MYH15: variants seen among roughly 807,000 people sequenced by gnomAD.
The protein encoded by MYH15 is myosin heavy chain 15, also known as myosin-15.
A neutral mutation model predicts 240.5 loss-of-function variants in MYH15; 227 were observed. The observed-to-expected ratio is 0.94, with a 90% CI of 0.85 to 1.05. The LOEUF (loss-of-function observed/expected upper bound fraction) is 1.05, where lower values mean the gene tolerates loss of function less well. Among genes scored for constraint, MYH15 ranks in the 50% least tolerant of loss-of-function variants. MYH15 has a pLI of 0.00. For missense variants in MYH15, 2,217 were observed against 2,247.5 expected (o/e 0.99, Z 0.27); for synonymous variants, 785 against 796.7 (o/e 0.99, Z 0.25).
chr3:108,508,051 C>A (rs1041689023), intron 1 of MYH15, among the ~76,000 whole-genome samples: 1 of 152,122 alleles, frequency 6.6e-6, no homozygotes, highest in Non-Finnish European at 1.5e-5. Flanking sequence ...AAGAGAGTTG[C>A]CCATAGTCAC....
In MYH15 at chr3:108,444,891, C is replaced by T. The variant is rs1263020564; in HGVS notation, c.2404G>A (p.Ala802Thr). ...KFQKILEERDALILIQWNIRA... is the reference protein window; with the variant it reads ...KFQKILEERDTLILIQWNIRA... ...ATGTTCCATTGGATCAAAATAAGTG[C>T]ATCCCTAAATCAAGAAAGAAAAAAG... Residue 802 changes from alanine to threonine, a missense_variant, in exon 22 of 41, where the codon GCA (alanine) becomes ACA (threonine). Coordinates refer to ENST00000693548, the MANE Select transcript of MYH15 (RefSeq NM_014981.3). The T allele has an allele frequency of 2.5e-6, 4 of 1,604,412 alleles. No homozygotes were observed. The highest frequency in any genetic ancestry group is 1.1e-5 in the South Asian group (1 of 88,814).
Position 108,431,630 on chromosome 3 carries a change from C to T in MYH15, c.3222-708G>A, listed in dbSNP as rs2082780075. ...TTTTTATCAGCAGTGTGAAAACGGA[C>T]TAATATAGAAATTGGTACCAGTAGA... On this transcript the variant is annotated intron_variant, in intron 25 of 40. Coordinates refer to ENST00000693548, the MANE Select transcript of MYH15 (RefSeq NM_014981.3). 2.0e-5 allele frequency among the ~76,000 whole-genome samples: 3 copies of T among 152,002 alleles called. No individual in the cohort carries two copies. In the South Asian group the frequency reaches 6.2e-4, roughly 32 times the overall value.
chr3:108,432,192 G>A (rs1390115224), intron 25 of MYH15, among the ~76,000 whole-genome samples: 2 of 152,184 alleles, frequency 1.3e-5, no homozygotes, highest in Non-Finnish European at 2.9e-5. Context: ...CTGAGTAGCT[G>A]AGACTACAGG....
At chr3:108,472,504 A>G (rs1056758895) in intron 12 of MYH15, among the ~76,000 whole-genome samples, 1 of 152,202 alleles carries the variant, frequency 6.6e-6, no homozygotes, top group African/African-American at 2.4e-5. Context: ...GTTTTTTATT[A>G]TCAGCATCAA....
chr3:108,549,232 A>G, the MYH15 span, among the ~76,000 whole-genome samples: 7 of 148,120 alleles, frequency 4.7e-5, no homozygotes, highest in South Asian at 1.3e-3. Flanking sequence ...ATTTGATTAA[A>G]TTTTTTTTTT....
chr3:108,429,254 A>G (rs918198807), intron 26 of MYH15, among the ~76,000 whole-genome samples: 19 of 152,228 alleles, frequency 1.2e-4, no homozygotes, highest in Admixed American at 9.8e-4. Flanking sequence ...TCCTCATTTG[A>G]AATTCGTTTA....
chr3:108,471,072 G>GAAGAGAGGGAGA (rs1553770223), intron 12 of MYH15, among the ~76,000 whole-genome samples: 3 of 129,598 alleles, frequency 2.3e-5, no homozygotes, highest in Non-Finnish European at 3.2e-5. Context: ...AGGGAGGGAG[G>GAAGAGAGGGAGA]GAGGAAGGAA....
the MYH15 span, among the ~76,000 whole-genome samples, chr3:108,541,793 T>C: frequency 6.6e-6 from 1 of 152,124 alleles, no homozygotes; most frequent in African/African-American, 2.4e-5. Flanking sequence ...ATCAATGAAA[T>C]ATTATGAAAC....
rs1205321702 is a variant in MYH15 at position 108,500,159 on chromosome 3, A to G, written c.455T>C (p.Ile152Thr). The G allele has an allele frequency of 6.2e-7, 1 of 1,613,946 alleles. No individual in the cohort carries two copies. The highest frequency in any genetic ancestry group is 1.3e-5 in the African/African-American group (1 of 74,920). ...AAAGGCGTTATTGGCAACAGCAAAG[A>G]TGTGAGGGGGAGCCTCTGATCGCCT... ...GKRRSEAPPHIFAVANNAFQD... is the reference protein window; with the variant it reads ...GKRRSEAPPHTFAVANNAFQD... The change falls in exon 4 of 41, where the codon ATC (isoleucine) becomes ACC (threonine). Residue 152 changes from isoleucine to threonine, a missense_variant. By Grantham distance (89) the Ile-to-Thr change is moderately conservative. Transcript: ENST00000693548.
At chr3:108,508,200 G>A (rs2083493116) in intron 1 of MYH15, among the ~76,000 whole-genome samples, 1 of 152,162 alleles carries the variant, frequency 6.6e-6, no homozygotes, top group Admixed American at 6.5e-5. Context: ...CTCTCCAGGA[G>A]TAGGCTCACC....
the MYH15 span, among the ~76,000 whole-genome samples, chr3:108,539,345 G>A: frequency 5.9e-5 from 9 of 152,124 alleles, no homozygotes; most frequent in Non-Finnish European, 2.9e-5. Context: ...GAATGATAGA[G>A]GTTTAGCAGG....
At chr3:108,406,864 T>C (rs1006270304) in intron 32 of MYH15, among the ~76,000 whole-genome samples, 12 of 152,220 alleles carry the variant, frequency 7.9e-5, no homozygotes, top group African/African-American at 2.9e-4. Flanking sequence ...GATGCCTCTG[T>C]GTTATACAGG....
At chr3:108,474,675 T>C (rs36099642) in intron 12 of MYH15, among the ~76,000 whole-genome samples, 12,682 of 152,192 alleles carry the variant, frequency 0.083, 585 homozygotes, top group Middle Eastern at 0.12. Context: ...TTTGGGCTCA[T>C]TAGTTTTATA....
At chr3:108,484,520 C>T (rs2083290949) in intron 11 of MYH15, among the ~76,000 whole-genome samples, 1 of 151,940 alleles carries the variant, frequency 6.6e-6, no homozygotes, top group Non-Finnish European at 1.5e-5. Context: ...GCTCTGTCAC[C>T]CAGGCTGAAG....
chr3:108,406,385 AAAG>A (rs1330154969), intron 32 of MYH15, among the ~76,000 whole-genome samples: 1 of 152,228 alleles, frequency 6.6e-6, no homozygotes, highest in East Asian at 1.9e-4. Flanking sequence ...ATAAAAATAA[AAAG>A]ATGATGGGAA....
At chr3:108,409,006 C>T (rs1271946400) in intron 31 of MYH15, among the ~76,000 whole-genome samples, 1 of 152,126 alleles carries the variant, frequency 6.6e-6, no homozygotes, top group African/African-American at 2.4e-5. Flanking sequence ...GTCACAAAAC[C>T]TCTTCCACCT....
chr3:108,395,008 G>A lies in MYH15; in HGVS notation c.5134-852C>T, dbSNP rs557767338. 7.2e-5 allele frequency among the ~76,000 whole-genome samples: 11 copies of A among 152,324 alleles called. No individual in the cohort carries two copies. In the East Asian group the frequency reaches 2.1e-3, roughly 29 times the overall value. On this transcript the variant is annotated intron_variant, in intron 35 of 40. Coordinates refer to ENST00000693548, the MANE Select transcript of MYH15 (RefSeq NM_014981.3). ...AGGCCAGGTGTGGTGGCCCATGCCTGTAATCCTAGCACTTTGGGAGGCTGA... is the reference window on the plus strand; with the variant it reads ...AGGCCAGGTGTGGTGGCCCATGCCTATAATCCTAGCACTTTGGGAGGCTGA...
chr3:108,526,555 A>AG (rs2083672812), intron 1 of MYH15, among the ~76,000 whole-genome samples: 1 of 152,078 alleles, frequency 6.6e-6, no homozygotes, highest in Non-Finnish European at 1.5e-5. Flanking sequence ...CTAGAGCAGA[A>AG]GTCAGACCTG....
At chr3:108,521,685 T>A (rs2083618968) in intron 1 of MYH15, among the ~76,000 whole-genome samples, 1 of 152,210 alleles carries the variant, frequency 6.6e-6, no homozygotes, top group Non-Finnish European at 1.5e-5. Context: ...CTTTGTTGCT[T>A]CATACAGGAA....
Sources: allele counts gnomAD v4.1 joint callset (sites outside exome capture counted in the v4.1 genomes callset), GRCh38; gene constraint gnomAD v4.1.1; transcripts MANE v1.5; gene names NCBI Gene and HGNC (gene_info 2026-07-23, HGNC 2026-07-21).